The following LRRC7 variants were observed in gnomAD, a reference collection of about 807,000 sequenced individuals.
The protein encoded by LRRC7 is leucine rich repeat containing 7.
Under a neutral mutation model 175.7 loss-of-function variants are expected in LRRC7, and 23 were observed. That is an observed-to-expected ratio of 0.13 (90% CI 0.09 to 0.19). The LOEUF (loss-of-function observed/expected upper bound fraction) is 0.19. Ranked by LOEUF, LRRC7 falls within the 10% of genes least tolerant of loss-of-function variation. LRRC7 has a pLI of 1.00. For missense variants in LRRC7, 1,354 were observed against 1,904.7 expected, an observed-to-expected ratio of 0.71 and a Z score of 5.38; for synonymous variants, 685 against 680.9, an observed-to-expected ratio of 1.01 and a Z score of -0.09.
At chr1:69,676,152 A>G (rs1659745780) in intron 1 of LRRC7, among the ~76,000 whole-genome samples, 1 of 151,908 alleles carries the variant, frequency 6.6e-6, no homozygotes, top group Non-Finnish European at 1.5e-5. Flanking sequence ...TTATGTTATT[A>G]TTCCACCACA....
At chr1:70,112,585 T>C (rs2102225160) in intron 26 of LRRC7, among the ~76,000 whole-genome samples, 1 of 152,290 alleles carries the variant, frequency 6.6e-6, no homozygotes, top group Admixed American at 6.5e-5. Context: ...GTGTGTATCC[T>C]GGGATGCAGA....
chr1:69,905,357 T>G (rs1646266904), intron 7 of LRRC7, among the ~76,000 whole-genome samples: 1 of 152,082 alleles, frequency 6.6e-6, no homozygotes, highest in Admixed American at 6.5e-5. Context: ...GCTGCACCCA[T>G]TCACTTGTCA....
At chr1:70,011,692 C>T in intron 11 of LRRC7, 105 bp from the exon 12 acceptor site, 1 of 692,918 alleles carries the variant, frequency 1.4e-6, no homozygotes, top group South Asian at 1.7e-5. Flanking sequence ...TATGTTGTTA[C>T]CGCATGAATA....
At chr1:69,797,056 GT>G (rs1675874228) in intron 4 of LRRC7, among the ~76,000 whole-genome samples, 1 of 152,074 alleles carries the variant, frequency 6.6e-6, no homozygotes, top group South Asian at 2.1e-4. Flanking sequence ...ACAATACCCA[GT>G]ATACATGGTA....
chr1:69,853,645 T>A (rs1276701266), intron 7 of LRRC7, among the ~76,000 whole-genome samples: 1 of 152,142 alleles, frequency 6.6e-6, no homozygotes, highest in East Asian at 1.9e-4. Flanking sequence ...TGTTTTAGAC[T>A]GTTGCAGAAA....
Position 69,634,905 on chromosome 1 carries a change from A to G in LRRC7, c.3-43476A>G, listed in dbSNP as rs140416366. 7.4e-3 allele frequency among the ~76,000 whole-genome samples: 1,124 copies of G among 152,278 alleles called. 11 individuals are homozygous for G. The highest frequency in any genetic ancestry group is 0.025 in the African/African-American group (1,054 of 41,590). On this transcript the variant is annotated intron_variant, in intron 1 of 26. Coordinates refer to ENST00000651989, the MANE Select transcript of LRRC7 (RefSeq NM_001370785.2). The stretch of plus-strand genomic sequence containing the variant: ...AGCGGAAAATTGAGAAGTGAGAAGC[A>G]GAAAATGTCTGACATTCAAGTATTT...
In LRRC7 at chr1:69,884,877, G is replaced by A. The variant is rs563599536; in HGVS notation, c.647+46594G>A. Among the ~76,000 whole-genome samples, 527 of 143,798 alleles carry A rather than the reference G, an allele frequency of 3.7e-3. 11 individuals carry two copies. Among genetic ancestry groups the A allele is most frequent in the African/African-American group, 0.014 (509 of 37,474 alleles). 94.3% of individuals were successfully genotyped at this position (143,798 alleles called of 152,430 possible). ...TTTCTGCATCTATTGAGATAATCAT[G>A]TGGTTTTTGTCTTTGGCTCTGTTTA... On this transcript the variant is annotated intron_variant, in intron 7 of 26. Coordinates refer to ENST00000651989, the MANE Select transcript of LRRC7 (RefSeq NM_001370785.2).
intron 7 of LRRC7, among the ~76,000 whole-genome samples, chr1:69,849,179 A>G (rs879898733): frequency 6.6e-6 from 1 of 152,048 alleles, no homozygotes; most frequent in Non-Finnish European, 1.5e-5. Flanking sequence ...TTAGATTACA[A>G]AGCTATGAAT....
chr1:69,989,496 A>G (rs1654232518), intron 10 of LRRC7, among the ~76,000 whole-genome samples: 1 of 152,160 alleles, frequency 6.6e-6, no homozygotes, highest in African/African-American at 2.4e-5. Flanking sequence ...TGAAGAAAGT[A>G]TGATATAGTC....
At position 70,134,007 on chromosome 1, in the gene LRRC7, C is replaced by A. The variant is rs1666775139; in HGVS notation, c.*12120C>A. On this transcript the variant is annotated 3_prime_UTR_variant, in exon 27 of 27. Coordinates refer to ENST00000651989, the MANE Select transcript of LRRC7 (RefSeq NM_001370785.2). ...TATGTAATTCTAAAACTAGTCCAAT[C>A]TGAATATGTGTGCATCTGGGTATAG... 6.6e-6 allele frequency among the ~76,000 whole-genome samples: 1 copy of A among 152,188 alleles called. No homozygotes were observed.
chr1:69,825,097 A>G (rs1009879089), intron 4 of LRRC7, among the ~76,000 whole-genome samples: 12 of 152,150 alleles, frequency 7.9e-5, no homozygotes, highest in African/African-American at 2.7e-4. Context: ...CAGATGAGCA[A>G]TTCTCCAAGG....
intron 7 of LRRC7, among the ~76,000 whole-genome samples, chr1:69,875,561 G>T (rs762342081): frequency 6.6e-6 from 1 of 151,898 alleles, no homozygotes; most frequent in Non-Finnish European, 1.5e-5. Context: ...CCTGGTTAGT[G>T]CTTCAACAAT....
chr1:70,092,733 A>ATCTACGT (rs1664120186), intron 25 of LRRC7, among the ~76,000 whole-genome samples: 1 of 152,096 alleles, frequency 6.6e-6, no homozygotes, highest in African/African-American at 2.4e-5. Flanking sequence ...AGACATTCTG[A>ATCTACGT]TCTACGTTCT....
rs149065700 is a variant in LRRC7 at position 70,088,366 on chromosome 1, G to A, written c.4453-1361G>A. ...GAGGACAGGAGTTCGAGACTAGCCC[G>A]GGCAACACAGCAAGACTCTATCTCT... On this transcript the variant is annotated intron_variant, in intron 24 of 26. Transcript: ENST00000651989. 4.2e-3 allele frequency among the ~76,000 whole-genome samples: 645 copies of A among 152,060 alleles called. 4 individuals carry two copies. The highest frequency in any genetic ancestry group is 0.014 in the African/African-American group (567 of 41,482).
At chr1:70,035,568 G>T (rs765602693) in intron 18 of LRRC7, among the ~76,000 whole-genome samples, 1 of 149,098 alleles carries the variant, frequency 6.7e-6, no homozygotes, top group Non-Finnish European at 1.5e-5. Flanking sequence ...GGAGGAAAGC[G>T]GTGGGAAGAG....
intron 1 of LRRC7, among the ~76,000 whole-genome samples, chr1:69,644,677 A>G (rs1266880918): frequency 1.3e-5 from 2 of 152,014 alleles, no homozygotes; most frequent in Non-Finnish European, 2.9e-5. Flanking sequence ...ACACTTCCCA[A>G]TTAACCTTGA....
intron 7 of LRRC7, among the ~76,000 whole-genome samples, chr1:69,855,516 T>C (rs139468648): frequency 8.5e-4 from 130 of 152,294 alleles, no homozygotes; most frequent in Non-Finnish European, 1.2e-3. Flanking sequence ...TCTGTTCTTT[T>C]ACATTTGCTG....
At chr1:69,803,986 G>C (rs1032171570) in intron 4 of LRRC7, among the ~76,000 whole-genome samples, 2 of 150,802 alleles carry the variant, frequency 1.3e-5, no homozygotes, top group Non-Finnish European at 3.0e-5. Flanking sequence ...CTATTATTTG[G>C]TTTGTTTATT....
At chr1:69,599,841 C>T (rs1646981346) in intron 1 of LRRC7, among the ~76,000 whole-genome samples, 1 of 152,176 alleles carries the variant, frequency 6.6e-6, no homozygotes, top group Admixed American at 6.5e-5. Context: ...ATTGCCATTC[C>T]AGTCTCTTTG....
Sources: gnomAD v4.1 joint callset for allele counts (sites outside exome capture counted in the v4.1 genomes callset) on GRCh38, gnomAD v4.1.1 for gene constraint, MANE v1.5 for transcripts, NCBI Gene and HGNC (gene_info 2026-07-23, HGNC 2026-07-21) for gene names.